Variants in TSPAN18 observed in about 807,000 individuals in gnomAD.
The protein encoded by TSPAN18 is tetraspanin 18.
TSPAN18 carries 14 observed loss-of-function variants against 27.3 expected under a neutral mutation model. The observed-to-expected ratio is 0.51, with a 90% CI of 0.34 to 0.80. The LOEUF is 0.80. TSPAN18 is among the 30% of genes least tolerant of loss of function. TSPAN18 has a pLI of 0.01. For missense variants in TSPAN18, 268 were observed against 323.9 expected (o/e 0.83, Z 1.32); for synonymous variants, 143 against 136.5 (o/e 1.05, Z -0.33).
chr11:44,913,971 GTGGC>G (rs1859815084), intron 5 of TSPAN18, among the ~76,000 whole-genome samples: 1 of 152,260 alleles, frequency 6.6e-6, no homozygotes, highest in Non-Finnish European at 1.5e-5. Context: ...GTTGGCAGAG[GTGGC>G]ATTGTGACTG....
At chr11:44,829,619 A>G (rs950034217) in intron 2 of TSPAN18, among the ~76,000 whole-genome samples, 10 of 152,178 alleles carry the variant, frequency 6.6e-5, no homozygotes, top group African/African-American at 9.7e-5. Context: ...TTTTTTGGCA[A>G]TCATGAAAAA....
In TSPAN18 at chr11:44,863,850, G is replaced by A. The variant is rs1857961495; in HGVS notation, c.-11+3381G>A. On this transcript the variant is annotated intron_variant, in intron 3 of 9. Coordinates refer to ENST00000520358, the MANE Select transcript of TSPAN18 (RefSeq NM_130783.5). Reference sequence around the variant, plus strand: ...AGGAAATACTTGAATGACAGAAAGTGCTTAACAGAGCACCTGCCAGGGATC... The same window carrying A: ...AGGAAATACTTGAATGACAGAAAGTACTTAACAGAGCACCTGCCAGGGATC... Among the ~76,000 whole-genome samples, 2 of 152,178 alleles carry A rather than the reference G, an allele frequency of 1.3e-5. 1 individual carries two copies. Among genetic ancestry groups the A allele is most frequent in the South Asian group, 4.1e-4 (2 of 4,830 alleles).
At chr11:44,772,550 T>G (rs551626167) in intron 2 of TSPAN18, among the ~76,000 whole-genome samples, 1 of 152,242 alleles carries the variant, frequency 6.6e-6, no homozygotes, top group South Asian at 2.1e-4. Flanking sequence ...TGATATAAAA[T>G]GGAGTAGTAT....
chr11:44,884,553 A>T (rs879390619), intron 3 of TSPAN18, among the ~76,000 whole-genome samples: 1 of 151,916 alleles, frequency 6.6e-6, no homozygotes, highest in Non-Finnish European at 1.5e-5. Context: ...CACATTCCCC[A>T]CTCGGGGCTT....
chr11:44,757,592 C>T (rs934461716), intron 1 of TSPAN18, among the ~76,000 whole-genome samples: 8 of 152,108 alleles, frequency 5.3e-5, no homozygotes, highest in Non-Finnish European at 1.2e-4. Context: ...GCTATGTTGC[C>T]CAGGTGGGTC....
intron 2 of TSPAN18, among the ~76,000 whole-genome samples, chr11:44,783,153 A>G (rs1428861705): frequency 2.6e-5 from 4 of 152,090 alleles, no homozygotes; most frequent in Non-Finnish European, 5.9e-5. Context: ...TTATTATATA[A>G]TTTGTCCTTT....
intron 3 of TSPAN18, among the ~76,000 whole-genome samples, chr11:44,883,211 G>A (rs545570545): frequency 1.5e-4 from 23 of 152,260 alleles, no homozygotes; most frequent in Admixed American, 1.1e-3. Context: ...TGCAAGCCAC[G>A]GATTGGGCTA....
intron 4 of TSPAN18, 144 bp from the exon 5 acceptor site, chr11:44,909,561 C>T (rs1413810988): frequency 1.3e-6 from 1 of 766,502 alleles, no homozygotes; most frequent in Non-Finnish European, 2.1e-6. Flanking sequence ...CTCACTGGCT[C>T]TCGCCGCAGG....
chr11:44,752,394 T>G (rs776138910), intron 1 of TSPAN18, among the ~76,000 whole-genome samples: 1 of 152,220 alleles, frequency 6.6e-6, no homozygotes, highest in Non-Finnish European at 1.5e-5. Flanking sequence ...TCTTTCTTTT[T>G]TTTTTGACAC....
At chr11:44,811,699 T>C (rs1856721198) in intron 2 of TSPAN18, among the ~76,000 whole-genome samples, 1 of 152,152 alleles carries the variant, frequency 6.6e-6, no homozygotes, top group Non-Finnish European at 1.5e-5. Context: ...TGACCTCAGG[T>C]GATCCACCCG....
intron 2 of TSPAN18, among the ~76,000 whole-genome samples, chr11:44,856,124 C>T (rs960858366): frequency 1.3e-5 from 2 of 152,044 alleles, no homozygotes; most frequent in Non-Finnish European, 2.9e-5. Context: ...ACCTCATGAT[C>T]TACCCGCCTC....
At chr11:44,812,045 T>A (rs1267471079) in intron 2 of TSPAN18, among the ~76,000 whole-genome samples, 1 of 152,212 alleles carries the variant, frequency 6.6e-6, no homozygotes, top group Non-Finnish European at 1.5e-5. Flanking sequence ...TGTGGTTTCC[T>A]TCTTTCATCA....
chr11:44,785,246 T>C (rs1339489589), intron 2 of TSPAN18, among the ~76,000 whole-genome samples: 1 of 152,216 alleles, frequency 6.6e-6, no homozygotes. Flanking sequence ...TGGAAAACCC[T>C]GTATGCTCTG....
intron 1 of TSPAN18, among the ~76,000 whole-genome samples, 165 bp from the exon 2 acceptor site, chr11:44,764,261 C>T (rs1423640382): frequency 6.6e-6 from 1 of 152,202 alleles, no homozygotes; most frequent in Non-Finnish European, 1.5e-5. Context: ...GATGGGGACA[C>T]ATTCAAACCA....
intron 2 of TSPAN18, among the ~76,000 whole-genome samples, chr11:44,778,931 C>T (rs1385575925): frequency 6.6e-6 from 1 of 152,114 alleles, no homozygotes; most frequent in East Asian, 1.9e-4. Context: ...GGACATTAGT[C>T]TTGGTCTCTG....
chr11:44,766,534 G>A (rs965834442), intron 2 of TSPAN18, among the ~76,000 whole-genome samples: 2 of 152,086 alleles, frequency 1.3e-5, no homozygotes, highest in African/African-American at 4.8e-5. Flanking sequence ...TCTCAGGGAC[G>A]TTTCTCCATC....
intron 2 of TSPAN18, among the ~76,000 whole-genome samples, chr11:44,808,956 G>A (rs1187011992): frequency 6.6e-6 from 1 of 152,106 alleles, no homozygotes; most frequent in East Asian, 1.9e-4. Context: ...ACACCCCCTC[G>A]GAAATCATGG....
intron 2 of TSPAN18, among the ~76,000 whole-genome samples, chr11:44,811,354 G>T (rs1045988456): frequency 6.6e-6 from 1 of 152,154 alleles, no homozygotes; most frequent in East Asian, 1.9e-4. Context: ...AAGAGAGAGG[G>T]AGGGAAAGGC....
At chr11:44,906,215 C>T (rs1859446020) in intron 3 of TSPAN18, among the ~76,000 whole-genome samples, 192 bp from the exon 4 acceptor site, 1 of 152,212 alleles carries the variant, frequency 6.6e-6, no homozygotes, top group Non-Finnish European at 1.5e-5. Flanking sequence ...GGTCACATAG[C>T]GAATGAAAGC....
Sources: gnomAD v4.1 joint callset for allele counts (sites outside exome capture counted in the v4.1 genomes callset) on GRCh38, gnomAD v4.1.1 for gene constraint, MANE v1.5 for transcripts, NCBI Gene and HGNC (gene_info 2026-07-23, HGNC 2026-07-21) for gene names.